The following DCC variants were observed in gnomAD, a reference collection of about 807,000 sequenced individuals.
DCC encodes the protein netrin receptor DCC.
A neutral mutation model predicts 172.5 loss-of-function variants in DCC; 58 were observed. The observed-to-expected ratio is 0.34, with a 90% CI of 0.27 to 0.42. The LOEUF (loss-of-function observed/expected upper bound fraction) is 0.42, where lower values mean the gene tolerates loss of function less well. DCC is among the 10% of genes least tolerant of loss of function. The pLI, the probability that DCC is intolerant of heterozygous loss-of-function variation, is 1.00. For synonymous variants in DCC, 709 were observed against 644.5 expected (o/e 1.10, Z -1.52); for missense variants, 1,740 against 1,791.0 (o/e 0.97, Z 0.51).
chr18:52,795,886 G>C (rs536029102), intron 2 of DCC, among the ~76,000 whole-genome samples: 3 of 151,648 alleles, frequency 2.0e-5, no homozygotes, highest in Non-Finnish European at 2.9e-5. Flanking sequence ...CCATGTAGTT[G>C]TACAGTTTTC....
At chr18:53,119,092 T>G (rs556935429) in intron 7 of DCC, among the ~76,000 whole-genome samples, 107 of 151,818 alleles carry the variant, frequency 7.0e-4, no homozygotes, top group Non-Finnish European at 1.4e-3. Flanking sequence ...AGGAAGGTAC[T>G]GTGGTACATT....
intron 12 of DCC, among the ~76,000 whole-genome samples, chr18:53,261,071 G>C (rs2056592007): frequency 6.6e-6 from 1 of 152,124 alleles, no homozygotes; most frequent in African/African-American, 2.4e-5. Flanking sequence ...ATTAGGGTGG[G>C]AGTGACCCGA....
intron 2 of DCC, among the ~76,000 whole-genome samples, chr18:52,758,536 G>A (rs2037111095): frequency 6.6e-6 from 1 of 152,032 alleles, no homozygotes; most frequent in Non-Finnish European, 1.5e-5. Flanking sequence ...TTGTTTCAGT[G>A]AATTCTCTTC....
chr18:52,609,447 C>T (rs930957785), intron 1 of DCC, among the ~76,000 whole-genome samples: 1 of 151,882 alleles, frequency 6.6e-6, no homozygotes, highest in African/African-American at 2.4e-5. Context: ...TTGTAATTAA[C>T]ATGTATTAAG....
intron 12 of DCC, among the ~76,000 whole-genome samples, chr18:53,243,565 A>G (rs2056330644): frequency 1.3e-5 from 2 of 152,114 alleles, no homozygotes; most frequent in Admixed American, 6.6e-5. Context: ...AGTTTAATCA[A>G]AGGATGTAAA....
intron 5 of DCC, among the ~76,000 whole-genome samples, chr18:53,002,407 C>T (rs367732041): frequency 1.7e-3 from 264 of 152,166 alleles, no homozygotes; most frequent in African/African-American, 6.0e-3. Context: ...TATAAATGCC[C>T]CCTTTAGATA....
chr18:52,977,951 C>CA lies in DCC; in HGVS notation c.985+52583dup, dbSNP rs1312396937. Among the ~76,000 whole-genome samples, 3 of 149,492 alleles carry CA rather than the reference C, an allele frequency of 2.0e-5. No homozygotes were observed. In the East Asian group the frequency reaches 5.9e-4, roughly 29 times the overall value. ...ATATCTGCTTGGCTCTAATTTAGGA[C>CA]AACTCTTTTGTCTTTTGATTTAAAT... On this transcript the variant is annotated intron_variant, in intron 5 of 28. Coordinates refer to ENST00000442544, the MANE Select transcript of DCC (RefSeq NM_005215.4).
intron 1 of DCC, among the ~76,000 whole-genome samples, chr18:52,561,569 G>T (rs889216054): frequency 6.6e-6 from 1 of 152,052 alleles, no homozygotes; most frequent in Admixed American, 6.6e-5. Context: ...GAGTGTGCTC[G>T]AAAAAGCGAA....
At chr18:52,537,733 C>G (rs530420706) in intron 1 of DCC, among the ~76,000 whole-genome samples, 1 of 152,284 alleles carries the variant, frequency 6.6e-6, no homozygotes, top group South Asian at 2.1e-4. Flanking sequence ...GCATATGGCT[C>G]TTCACTGTCT....
intron 27 of DCC, among the ~76,000 whole-genome samples, chr18:53,514,263 GAC>G (rs1029212918): frequency 4.5e-4 from 69 of 152,034 alleles, no homozygotes; most frequent in African/African-American, 1.6e-3. Context: ...CGAGAACAAA[GAC>G]ACAACATACC....
chr18:53,183,178 AAT>A (rs1000712425), intron 9 of DCC, among the ~76,000 whole-genome samples: 24 of 152,164 alleles, frequency 1.6e-4, no homozygotes, highest in Admixed American at 1.1e-3. Context: ...ACTGATGGAA[AAT>A]ATGTCTGAAA....
chr18:52,805,567 G>A (rs754750763), intron 2 of DCC, among the ~76,000 whole-genome samples: 2 of 152,120 alleles, frequency 1.3e-5, no homozygotes, highest in Non-Finnish European at 2.9e-5. Context: ...TTCTTCCACA[G>A]GTTATAGAAA....
intron 2 of DCC, among the ~76,000 whole-genome samples, chr18:52,773,579 T>A (rs1007873578): frequency 2.6e-5 from 4 of 152,126 alleles, no homozygotes; most frequent in Admixed American, 2.6e-4. Flanking sequence ...CAGGCTGGAG[T>A]ACAGTGGTGC....
chr18:53,321,943 G>A (rs1599023174), intron 13 of DCC, 104 bp from the exon 14 acceptor site: 1 of 773,374 alleles, frequency 1.3e-6, no homozygotes, highest in Non-Finnish European at 2.4e-6. Flanking sequence ...ACAATGTAAA[G>A]CATGTCCACT....
chr18:53,351,400 T>TATATATATATACTTTATATATATATACA (rs2057803696), intron 15 of DCC, among the ~76,000 whole-genome samples: 1 of 10,478 alleles, frequency 9.5e-5, no homozygotes, highest in Non-Finnish European at 1.7e-4. Context: ...ATATATACAG[T>TATATATATATACTTTATATATATATACA]GTATATATAT....
chr18:52,950,695 G>T (rs557431455), intron 5 of DCC, among the ~76,000 whole-genome samples: 2 of 151,294 alleles, frequency 1.3e-5, no homozygotes, highest in Admixed American at 1.3e-4. Context: ...GAGGCCGAGG[G>T]GGGTGGATCA....
intron 13 of DCC, among the ~76,000 whole-genome samples, chr18:53,311,481 C>G (rs1468895792): frequency 6.6e-6 from 1 of 152,104 alleles, no homozygotes; most frequent in South Asian, 2.1e-4. Context: ...GGCTAAGGTC[C>G]TCCACTAGTT....
rs552800445 is a variant in DCC at position 52,881,694 on chromosome 18, G to T, written c.413-24350G>T. ...ATTTATGCCAGTACCATGCTGTGTT[G>T]GTTACTATAGCTCTGTAGTATAATT... On this transcript the variant is annotated intron_variant, in intron 2 of 28. Coordinates refer to ENST00000442544, the MANE Select transcript of DCC (RefSeq NM_005215.4). Among the ~76,000 whole-genome samples the T allele has an allele frequency of 6.4e-4, 98 of 152,182 alleles. 1 individual carries two copies. Among genetic ancestry groups the T allele is most frequent in the African/African-American group, 2.2e-3 (92 of 41,542 alleles).
At chr18:52,791,477 T>G (rs1282569212) in intron 2 of DCC, among the ~76,000 whole-genome samples, 24 of 139,294 alleles carry the variant, frequency 1.7e-4, no homozygotes, top group Non-Finnish European at 3.2e-4. Context: ...GTTTTGTTTT[T>G]TTTTTGTTTT....
Sources: allele counts gnomAD v4.1 joint callset (sites outside exome capture counted in the v4.1 genomes callset), GRCh38; gene constraint gnomAD v4.1.1; transcripts MANE v1.5; gene names NCBI Gene and HGNC (gene_info 2026-07-23, HGNC 2026-07-21).